The following STK32C variants were observed in gnomAD, a reference collection of about 807,000 sequenced individuals.
STK32C encodes serine/threonine kinase 32C.
In STK32C, 31 loss-of-function variants were observed where a neutral mutation model predicts 56.5. The observed-to-expected ratio is 0.55, with a 90% CI of 0.41 to 0.74. The LOEUF (loss-of-function observed/expected upper bound fraction) is 0.74. Ranked by LOEUF, STK32C falls within the 30% of genes least tolerant of loss-of-function variation. The probability of loss-of-function intolerance (pLI) is 0.00; values close to 1 mark genes in which losing one functional copy is unlikely to be tolerated. For missense variants in STK32C, 544 were observed against 676.9 expected, an observed-to-expected ratio of 0.80 and a Z score of 2.18; for synonymous variants, 309 against 289.4, an observed-to-expected ratio of 1.07 and a Z score of -0.69.
intron 1 of STK32C, among the ~76,000 whole-genome samples, chr10:132,247,371 A>G (rs1451589802): frequency 6.6e-6 from 1 of 152,224 alleles, no homozygotes; most frequent in Non-Finnish European, 1.5e-5. Flanking sequence ...CGCAGCAGGC[A>G]AAGTGTCCAT....
At chr10:132,332,003 C>A (rs1012875124), upstream of STK32C, among the ~76,000 whole-genome samples, 21 of 149,874 alleles carry the variant, frequency 1.4e-4, no homozygotes, top group South Asian at 4.5e-3. Context: ...CACCCGACCC[C>A]CTGCCGCGCA....
Position 132,307,919 on chromosome 10 carries a change from C to G in STK32C, c.-86G>C, listed in dbSNP as rs1171647940. On this transcript the variant is annotated 5_prime_UTR_variant, in exon 1 of 12. Coordinates refer to ENST00000298630, the MANE Select transcript of STK32C (RefSeq NM_173575.4). This position sits in a 1 kb window ranked among gnomAD's most constrained non-coding sequence, Gnocchi z 4.4. ...GAGCGGCAGTGGTAGCGGGAGCGCT[C>G]GGGGCCGGCAGCGCCCGCCGTGCGC... 3 of 1,077,756 alleles carry G rather than the reference C, an allele frequency of 2.8e-6. No homozygotes were observed. Among genetic ancestry groups the G allele is most frequent in the African/African-American group, 1.8e-5 (1 of 55,752 alleles). 66.8% of individuals were successfully genotyped at this position (1,077,756 alleles called of 1,614,324 possible).
chr10:132,245,145 A>G (rs1429695780), intron 2 of STK32C, among the ~76,000 whole-genome samples: 1 of 152,194 alleles, frequency 6.6e-6, no homozygotes, highest in East Asian at 1.9e-4. Flanking sequence ...CAATCGCTTT[A>G]AAAAGGGCTT....
chr10:132,290,029 G>A (rs988652955), intron 1 of STK32C, among the ~76,000 whole-genome samples: 7 of 152,266 alleles, frequency 4.6e-5, no homozygotes, highest in Admixed American at 6.5e-5. Context: ...CTTGAAAACC[G>A]TATGGTCATC....
chr10:132,297,301 C>T (rs533238215), intron 1 of STK32C, among the ~76,000 whole-genome samples: 1 of 152,326 alleles, frequency 6.6e-6, no homozygotes, highest in African/African-American at 2.4e-5. Context: ...CTCGCTGCCA[C>T]CCCACCGGTG....
chr10:132,223,235 A>G (rs1205668032), intron 8 of STK32C, among the ~76,000 whole-genome samples: 1 of 152,222 alleles, frequency 6.6e-6, no homozygotes, highest in Non-Finnish European at 1.5e-5. Context: ...CTGGCGCCAG[A>G]GGACAGCAGA....
chr10:132,294,292 C>G (rs2138324362), intron 1 of STK32C, among the ~76,000 whole-genome samples: 1 of 152,244 alleles, frequency 6.6e-6, no homozygotes, highest in Middle Eastern at 3.4e-3. Context: ...TCAGGAGTGT[C>G]AGACCCTGCC....
chr10:132,283,154 C>T (rs890508278), intron 1 of STK32C, among the ~76,000 whole-genome samples: 1 of 152,240 alleles, frequency 6.6e-6, no homozygotes, highest in Admixed American at 6.5e-5. Flanking sequence ...GCCGGGAGGC[C>T]GGCCGAGGCC....
intron 1 of STK32C, among the ~76,000 whole-genome samples, chr10:132,258,608 C>T (rs951263382): frequency 6.6e-5 from 10 of 152,352 alleles, no homozygotes; most frequent in African/African-American, 1.7e-4. Context: ...CCCAGCCCAC[C>T]GAACAGGAAC....
At chr10:132,288,551 G>T (rs7911172) in intron 1 of STK32C, among the ~76,000 whole-genome samples, 50,440 of 152,080 alleles carry the variant, frequency 0.33, 8,520 homozygotes, top group Middle Eastern at 0.38. Flanking sequence ...GTAGTGGTTA[G>T]GTGACTGTAT....
At chr10:132,250,136 G>C (rs1214888473) in intron 1 of STK32C, among the ~76,000 whole-genome samples, 1 of 152,254 alleles carries the variant, frequency 6.6e-6, no homozygotes, top group Non-Finnish European at 1.5e-5. Flanking sequence ...CTCCCTGCAC[G>C]CTGGCTCCGC....
At chr10:132,324,382 G>A (rs1392114598) in intron 1 of STK32C, 2 of 772,998 alleles carry the variant, frequency 2.6e-6, no homozygotes. Flanking sequence ...ACCTATATGA[G>A]GAAACAGAGG....
intron 10 of STK32C, among the ~76,000 whole-genome samples, chr10:132,213,805 G>C (rs1244604681): frequency 6.6e-6 from 1 of 152,194 alleles, no homozygotes; most frequent in Non-Finnish European, 1.5e-5. Flanking sequence ...AATGTAAGTA[G>C]AGAGATGGAA....
At chr10:132,212,371 T>C (rs1367460981) in intron 10 of STK32C, among the ~76,000 whole-genome samples, 1 of 152,172 alleles carries the variant, frequency 6.6e-6, no homozygotes, top group Non-Finnish European at 1.5e-5. Flanking sequence ...TATCCACCGA[T>C]GAGAGAATGA....
chr10:132,312,039 C>T (rs759782554), upstream of STK32C, among the ~76,000 whole-genome samples: 7 of 152,190 alleles, frequency 4.6e-5, no homozygotes, highest in East Asian at 1.2e-3. Flanking sequence ...CAGAGTCTCA[C>T]TGTGTTGCCC....
Position 132,225,284 on chromosome 10 carries a change from C to T in STK32C, c.825G>A (p.Glu275=). 6.2e-7 allele frequency: 1 copy of T among 1,609,862 alleles called. No homozygotes were observed. Among genetic ancestry groups the T allele is most frequent in the Non-Finnish European group, 8.5e-7 (1 of 1,178,452 alleles). ...FVNGGTGYSF[E]VDWWSVGVMA... ...TCACCCCCACCGACCACCAGTCCAC[C>T]TCGAAGGAGTAGCCGGTCCCGCCGT... Residue 275 remains glutamate, a synonymous_variant, in exon 7 of 12, where the codon GAG becomes GAA. Transcript: ENST00000298630.
At chr10:132,324,166 C>CT (rs1427269256) in exon 2 of STK32C, 6 of 756,036 alleles carry the variant, frequency 7.9e-6, no homozygotes, top group Non-Finnish European at 1.5e-5. Context: ...GGGGATGAGT[C>CT]TGAGTCTCCC....
intron 1 of STK32C, among the ~76,000 whole-genome samples, chr10:132,293,364 G>T (rs143305468): frequency 2.0e-5 from 3 of 152,234 alleles, no homozygotes; most frequent in Non-Finnish European, 4.4e-5. Flanking sequence ...GCAATTCTTC[G>T]CCAGCAAAAG....
chr10:132,210,620 T>C (rs2062260532), intron 10 of STK32C, among the ~76,000 whole-genome samples: 1 of 152,220 alleles, frequency 6.6e-6, no homozygotes, highest in Non-Finnish European at 1.5e-5. Flanking sequence ...GAACAGAGTG[T>C]GGGAGATGCA....
Sources: gnomAD v4.1 joint callset for allele counts (sites outside exome capture counted in the v4.1 genomes callset) on GRCh38, gnomAD v4.1.1 for gene constraint, Gnocchi (gnomAD v3.1) non-coding constraint, MANE v1.5 for transcripts, NCBI Gene and HGNC (gene_info 2026-07-23, HGNC 2026-07-21) for gene names.